The following RXFP1 variants were observed in gnomAD, a reference collection of about 807,000 sequenced individuals.
RXFP1 encodes the protein relaxin receptor 1.
In RXFP1, 73 loss-of-function variants were observed where a neutral mutation model predicts 89.8. The observed-to-expected ratio is 0.81, with a 90% CI of 0.67 to 0.99. The LOEUF is 0.99. Ranked by LOEUF, RXFP1 falls within the 50% of genes least tolerant of loss-of-function variation. The pLI is 0.00. For synonymous variants in RXFP1, 277 were observed against 305.5 expected (o/e 0.91, Z 0.97); for missense variants, 793 against 895.5 (o/e 0.89, Z 1.46).
At chr4:158,623,305 C>G (rs28494564) in intron 9 of RXFP1, among the ~76,000 whole-genome samples, 1 of 149,266 alleles carries the variant, frequency 6.7e-6, no homozygotes, top group Non-Finnish European at 1.5e-5. Context: ...TTGAGACTAG[C>G]CTGACTAACA....
At chr4:158,604,753 G>A (rs1485711362) in intron 4 of RXFP1, among the ~76,000 whole-genome samples, 1 of 152,092 alleles carries the variant, frequency 6.6e-6, no homozygotes, top group African/African-American at 2.4e-5. Flanking sequence ...AAACTGAGAT[G>A]CCTTCTAATG....
At chr4:158,609,224 T>C (rs927176552) in intron 6 of RXFP1, among the ~76,000 whole-genome samples, 3 of 152,218 alleles carry the variant, frequency 2.0e-5, no homozygotes, top group Admixed American at 6.5e-5. Flanking sequence ...TGATTTGATT[T>C]TGATTTTTTA....
intron 1 of RXFP1, among the ~76,000 whole-genome samples, chr4:158,534,536 C>T (rs549371622): frequency 1.1e-4 from 16 of 152,196 alleles, no homozygotes; most frequent in African/African-American, 2.9e-4. Flanking sequence ...CATGAGCCAC[C>T]GCGCCCGGCC....
At chr4:158,548,614 C>T (rs1236004258) in intron 1 of RXFP1, among the ~76,000 whole-genome samples, 1 of 152,124 alleles carries the variant, frequency 6.6e-6, no homozygotes, top group African/African-American at 2.4e-5. Context: ...TTGTTTAGTG[C>T]TTCCTTCAGG....
chr4:158,567,094 T>C (rs1753738903), intron 1 of RXFP1, among the ~76,000 whole-genome samples: 1 of 152,174 alleles, frequency 6.6e-6, no homozygotes, highest in African/African-American at 2.4e-5. Flanking sequence ...GGCCAGCAGC[T>C]GCTGTGCTGG....
At chr4:158,595,926 C>G (rs1324429259) in intron 3 of RXFP1, among the ~76,000 whole-genome samples, 2 of 151,372 alleles carry the variant, frequency 1.3e-5, no homozygotes, top group African/African-American at 4.9e-5. Context: ...GTAGGAAGAT[C>G]TCACTTGAGA....
At chr4:158,522,519 A>C (rs1741434668) in intron 1 of RXFP1, among the ~76,000 whole-genome samples, 2 of 152,196 alleles carry the variant, frequency 1.3e-5, no homozygotes, top group African/African-American at 4.8e-5. Context: ...GTTCCTTGAA[A>C]GAAAAACAAG....
At chr4:158,576,150 G>A (rs1344943624) in intron 2 of RXFP1, among the ~76,000 whole-genome samples, 1 of 152,166 alleles carries the variant, frequency 6.6e-6, no homozygotes, top group African/African-American at 2.4e-5. Context: ...ATTTCAATTT[G>A]TTACTGATCT....
At chr4:158,593,363 G>T in intron 2 of RXFP1, 38 bp from the exon 3 acceptor site, 1 of 1,323,738 alleles carries the variant, frequency 7.6e-7, no homozygotes, top group African/African-American at 1.4e-5. Context: ...GAATATCTCT[G>T]TTCCTTGAAC....
chr4:158,549,251 G>A (rs1749427875), intron 1 of RXFP1, among the ~76,000 whole-genome samples: 1 of 152,116 alleles, frequency 6.6e-6, no homozygotes, highest in Admixed American at 6.5e-5. Flanking sequence ...ATCGGCTCCT[G>A]AGGCTTCTGC....
chr4:158,568,091 A>G lies in RXFP1; in HGVS notation c.50-4607A>G, dbSNP rs145064219. Reference sequence around the variant, plus strand: ...GAACACACTGCCTTTATGAGCTGTAATACTCACCACAAAGGCCTTCAGCTT... The same window carrying G: ...GAACACACTGCCTTTATGAGCTGTAGTACTCACCACAAAGGCCTTCAGCTT... On this transcript the variant is annotated intron_variant, in intron 1 of 17. Coordinates refer to ENST00000307765, the MANE Select transcript of RXFP1 (RefSeq NM_021634.4). Among the ~76,000 whole-genome samples the G allele has an allele frequency of 9.5e-4, 144 of 152,286 alleles. 2 individuals carry two copies. The highest frequency in any genetic ancestry group is 1.6e-4 in the Non-Finnish European group (11 of 68,006).
At chr4:158,587,140 T>C (rs1454240676) in intron 2 of RXFP1, among the ~76,000 whole-genome samples, 1 of 152,156 alleles carries the variant, frequency 6.6e-6, no homozygotes, top group Non-Finnish European at 1.5e-5. Context: ...AACAGGAACA[T>C]GAACGTGGTG....
At chr4:158,546,166 A>T (rs1748333454) in intron 1 of RXFP1, among the ~76,000 whole-genome samples, 1 of 152,006 alleles carries the variant, frequency 6.6e-6, no homozygotes. Context: ...GGTCCTTCAC[A>T]TCCCTTGTAA....
chr4:158,548,475 G>A (rs543194457), intron 1 of RXFP1, among the ~76,000 whole-genome samples: 1 of 152,326 alleles, frequency 6.6e-6, no homozygotes, highest in South Asian at 2.1e-4. Flanking sequence ...TGTTATGTGT[G>A]TGTTTGGTCC....
intron 1 of RXFP1, among the ~76,000 whole-genome samples, chr4:158,531,919 T>TTTTG (rs201039668): frequency 2.2e-4 from 13 of 58,612 alleles, no homozygotes; most frequent in African/African-American, 3.0e-4. Flanking sequence ...GGTTTGGGTA[T>TTTTG]TTTGTTTGTT....
chr4:158,546,879 A>G lies in RXFP1; in HGVS notation c.49+24854A>G, dbSNP rs539265850. ...TATTTTATTGAGGATTTTTGCATCA[A>G]TGTTCATCAAGGATGTTGGTCTAAA... On this transcript the variant is annotated intron_variant, in intron 1 of 17. Coordinates refer to ENST00000307765, the MANE Select transcript of RXFP1 (RefSeq NM_021634.4). Among the ~76,000 whole-genome samples, 1,496 of 152,272 alleles carry G rather than the reference A, an allele frequency of 9.8e-3. 23 individuals are homozygous for G. The highest frequency in any genetic ancestry group is 0.033 in the African/African-American group (1,382 of 41,548).
At position 158,605,129 on chromosome 4, in the gene RXFP1, C is replaced by T; in HGVS notation, c.454C>T (p.Leu152Phe). The part of the protein sequence containing the change: ...PPDCFKNYHD[L>F]QKLYLQNNKI... ...TGATTGCTTCAAGAATTATCATGAT[C>T]TTCAGAAGCTGTAAGAAAATACTTA... is the stretch of plus-strand genomic sequence containing the variant. Residue 152 changes from leucine to phenylalanine, a missense_variant, in exon 5 of 18, where the codon CTT becomes TTT. Coordinates refer to ENST00000307765, the MANE Select transcript of RXFP1 (RefSeq NM_021634.4). 6.3e-7 allele frequency: 1 copy of T among 1,584,482 alleles called. No homozygotes were observed. The highest frequency in any genetic ancestry group is 8.6e-7 in the Non-Finnish European group (1 of 1,157,776).
intron 1 of RXFP1, among the ~76,000 whole-genome samples, chr4:158,568,867 T>C (rs1754423121): frequency 6.6e-6 from 1 of 152,236 alleles, no homozygotes. Context: ...TTTTCATGCT[T>C]TGATCATTGA....
At chr4:158,546,082 G>A (rs1478770493) in intron 1 of RXFP1, among the ~76,000 whole-genome samples, 1 of 152,102 alleles carries the variant, frequency 6.6e-6, no homozygotes, top group Non-Finnish European at 1.5e-5. Flanking sequence ...CTATCCATGA[G>A]CATGGAATGT....
Sources: allele counts gnomAD v4.1 joint callset (sites outside exome capture counted in the v4.1 genomes callset), GRCh38; gene constraint gnomAD v4.1.1; transcripts MANE v1.5; gene names NCBI Gene and HGNC (gene_info 2026-07-23, HGNC 2026-07-21).